DOCK3: variants seen among roughly 807,000 people sequenced by gnomAD.
DOCK3 encodes dedicator of cytokinesis protein 3.
A neutral mutation model predicts 265.6 loss-of-function variants in DOCK3; 60 were observed. The ratio of observed to expected loss-of-function variants is 0.23; its 90% CI spans 0.18 to 0.28. DOCK3 has a LOEUF of 0.28. Ranked by LOEUF, DOCK3 falls within the 10% of genes least tolerant of loss-of-function variation. The pLI is 1.00. For synonymous variants in DOCK3, 881 were observed against 938.0 expected, an observed-to-expected ratio of 0.94 and a Z score of 1.11; for missense variants, 1,981 against 2,594.3, an observed-to-expected ratio of 0.76 and a Z score of 5.14.
At chr3:51,371,683 T>A (rs73837439) in intron 49 of DOCK3, among the ~76,000 whole-genome samples, 11,313 of 152,310 alleles carry the variant, frequency 0.074, 993 homozygotes, top group East Asian at 0.33. Flanking sequence ...TGCATTGGGG[T>A]TACTTCCCCC....
chr3:51,346,595 A>G (rs1445526755), intron 38 of DOCK3, among the ~76,000 whole-genome samples: 1 of 152,170 alleles, frequency 6.6e-6, no homozygotes, highest in Non-Finnish European at 1.5e-5. Flanking sequence ...GCTGCAATAA[A>G]CATACGTGTG....
intron 27 of DOCK3, among the ~76,000 whole-genome samples, chr3:51,283,234 C>T (rs112488314): frequency 6.6e-6 from 1 of 152,320 alleles, no homozygotes; most frequent in Non-Finnish European, 1.5e-5. Flanking sequence ...GAGAGGCACA[C>T]TCAGGCACAG....
At chr3:51,161,741 G>A (rs1437707604) in intron 12 of DOCK3, among the ~76,000 whole-genome samples, 1 of 152,144 alleles carries the variant, frequency 6.6e-6, no homozygotes, top group African/African-American at 2.4e-5. Context: ...AACTGAGCTG[G>A]CTAATGATCA....
intron 5 of DOCK3, among the ~76,000 whole-genome samples, chr3:51,058,708 T>C (rs1439030690): frequency 1.3e-5 from 2 of 152,170 alleles, no homozygotes; most frequent in African/African-American, 2.4e-5. Context: ...AGGATCAAGA[T>C]TGGCAGAATC....
intron 37 of DOCK3, among the ~76,000 whole-genome samples, chr3:51,340,435 T>A (rs1056871466): frequency 6.6e-6 from 1 of 152,102 alleles, no homozygotes; most frequent in Non-Finnish European, 1.5e-5. Flanking sequence ...AAGGCAAGGA[T>A]GAGGAGGAGC....
chr3:51,254,316 TGTG>T (rs2079427913), intron 22 of DOCK3, among the ~76,000 whole-genome samples: 1 of 152,220 alleles, frequency 6.6e-6, no homozygotes, highest in Admixed American at 6.5e-5. Context: ...ATAAGTGCAA[TGTG>T]GTGCTGAGAA....
chr3:51,271,898 G>C (rs2080521012), intron 24 of DOCK3, among the ~76,000 whole-genome samples: 1 of 150,122 alleles, frequency 6.7e-6, no homozygotes, highest in Non-Finnish European at 1.5e-5. Context: ...TGAGGACCCT[G>C]TGCTTTCTTG....
intron 5 of DOCK3, among the ~76,000 whole-genome samples, chr3:51,024,431 C>A (rs916037048): frequency 6.6e-6 from 1 of 152,028 alleles, no homozygotes; most frequent in African/African-American, 2.4e-5. Flanking sequence ...GATGTAATAC[C>A]CAATGGTGGG....
At chr3:51,216,736 C>T (rs1297482174) in intron 14 of DOCK3, among the ~76,000 whole-genome samples, 1 of 152,180 alleles carries the variant, frequency 6.6e-6, no homozygotes, top group African/African-American at 2.4e-5. Flanking sequence ...ACTGTACCTG[C>T]AGGTCCTATT....
At chr3:50,974,572 G>T (rs1193600445) in intron 5 of DOCK3, among the ~76,000 whole-genome samples, 1 of 151,122 alleles carries the variant, frequency 6.6e-6, no homozygotes, top group Non-Finnish European at 1.5e-5. Context: ...GTCAGGTAGT[G>T]TGATGTCTCC....
At chr3:50,676,125 AAATG>A (rs1329215623) in intron 1 of DOCK3, among the ~76,000 whole-genome samples, 1 of 152,246 alleles carries the variant, frequency 6.6e-6, no homozygotes, top group African/African-American at 2.4e-5. Flanking sequence ...AACAGATTTA[AAATG>A]TTGAGTGTAC....
At chr3:50,774,508 A>G (rs2041473323) in intron 1 of DOCK3, among the ~76,000 whole-genome samples, 1 of 151,674 alleles carries the variant, frequency 6.6e-6, no homozygotes, top group Non-Finnish European at 1.5e-5. Context: ...TAATTTTCTA[A>G]TTGTTTATTG....
intron 6 of DOCK3, among the ~76,000 whole-genome samples, chr3:51,069,486 ATATTT>A (rs5848913): frequency 0.84 from 126,854 of 151,222 alleles, 53,677 homozygotes; most frequent in East Asian, 0.94. Context: ...TACCTAAGAA[ATATTT>A]TATTCTTAGA....
chr3:50,979,898 C>G (rs2077627189), intron 5 of DOCK3, among the ~76,000 whole-genome samples: 1 of 152,156 alleles, frequency 6.6e-6, no homozygotes, highest in East Asian at 1.9e-4. Context: ...ATGTCATCTA[C>G]AAAGAGAGAC....
chr3:51,252,156 A>G lies in DOCK3; in HGVS notation c.2184+5349A>G, dbSNP rs1157575052. On this transcript the variant is annotated intron_variant, in intron 22 of 52. Coordinates refer to ENST00000266037, the MANE Select transcript of DOCK3 (RefSeq NM_004947.5). ...TTTCTTGTTTTTGTCAGGTTTGTCA[A>G]AGATCAGATGGTTGTAGATGTGTGG... Among the ~76,000 whole-genome samples, 3 of 152,168 alleles carry G rather than the reference A, an allele frequency of 2.0e-5. No individual in the cohort carries two copies. The South Asian group carries it at 6.2e-4, about 32-fold the overall frequency.
chr3:50,954,634 A>G (rs2108338566), intron 5 of DOCK3, among the ~76,000 whole-genome samples: 1 of 152,256 alleles, frequency 6.6e-6, no homozygotes, highest in South Asian at 2.1e-4. Context: ...TTTTCTTTGG[A>G]AAAATGCCTG....
chr3:50,710,779 G>T (rs933396435), intron 1 of DOCK3, among the ~76,000 whole-genome samples: 4 of 152,198 alleles, frequency 2.6e-5, no homozygotes, highest in Non-Finnish European at 5.9e-5. Flanking sequence ...ACCAATGAGT[G>T]TATAAAGAAA....
At chr3:51,011,124 C>T (rs13076057) in intron 5 of DOCK3, among the ~76,000 whole-genome samples, 12 of 152,104 alleles carry the variant, frequency 7.9e-5, no homozygotes, top group Non-Finnish European at 1.6e-4. Flanking sequence ...CGAGGAGTGT[C>T]TTTATGGTGT....
At chr3:51,258,099 G>T (rs369999757) in intron 22 of DOCK3, among the ~76,000 whole-genome samples, 4 of 152,184 alleles carry the variant, frequency 2.6e-5, no homozygotes, top group Admixed American at 6.5e-5. Flanking sequence ...AAGCTCTCAT[G>T]CCCAAAAGGT....
Sources: gnomAD v4.1 joint callset for allele counts (sites outside exome capture counted in the v4.1 genomes callset) on GRCh38, gnomAD v4.1.1 for gene constraint, MANE v1.5 for transcripts, NCBI Gene and HGNC (gene_info 2026-07-23, HGNC 2026-07-21) for gene names.